Variants in TNFSF4 observed in about 807,000 individuals in gnomAD.
TNFSF4 encodes TNF superfamily member 4.
In TNFSF4, 4 loss-of-function variants were observed where a neutral mutation model predicts 7.3. That is an observed-to-expected ratio of 0.55 (90% CI 0.27 to 1.25). The LOEUF (loss-of-function observed/expected upper bound fraction) is 1.25, where lower values mean the gene tolerates loss of function less well. Among genes scored for constraint, TNFSF4 ranks in the 50% most tolerant of loss-of-function variants. The pLI is 0.12. For missense variants in TNFSF4, 181 were observed against 208.8 expected (o/e 0.87, Z 0.82); for synonymous variants, 76 against 83.7 (o/e 0.91, Z 0.50).
chr1:173,249,289 G>A, the TNFSF4 span, among the ~76,000 whole-genome samples: 1 of 152,190 alleles, frequency 6.6e-6, no homozygotes, highest in Non-Finnish European at 1.5e-5. Context: ...AAAGCAACAA[G>A]AGGACTTGTG....
At chr1:173,299,509 CCACGGGAAA>C in the TNFSF4 span, among the ~76,000 whole-genome samples, 3 of 151,802 alleles carry the variant, frequency 2.0e-5, no homozygotes, top group African/African-American at 7.3e-5. Context: ...TTTCCTTCTC[CCACGGGAAA>C]TATTCAAACA....
At chr1:173,268,983 G>A in the TNFSF4 span, among the ~76,000 whole-genome samples, 5 of 152,126 alleles carry the variant, frequency 3.3e-5, no homozygotes, top group Admixed American at 2.0e-4. Context: ...AAAATGTGAC[G>A]AAGTCATTTT....
chr1:173,390,505 T>G, the TNFSF4 span, among the ~76,000 whole-genome samples: 2 of 152,202 alleles, frequency 1.3e-5, no homozygotes, highest in Non-Finnish European at 2.9e-5. Context: ...CTGGGTGTTT[T>G]GCACTGGAAG....
At chr1:173,317,779 T>G in the TNFSF4 span, among the ~76,000 whole-genome samples, 12 of 152,286 alleles carry the variant, frequency 7.9e-5, no homozygotes, top group African/African-American at 2.9e-4. Context: ...AATTAAAGTA[T>G]CAATAGGATT....
the TNFSF4 span, chr1:173,362,738 C>A: frequency 2.5e-6 from 1 of 395,494 alleles, no homozygotes. Flanking sequence ...ACTTTCAACA[C>A]ATCTTGAAGA....
the TNFSF4 span, among the ~76,000 whole-genome samples, chr1:173,340,016 T>A: frequency 6.6e-6 from 1 of 152,104 alleles, no homozygotes; most frequent in Non-Finnish European, 1.5e-5. Context: ...AAGGTTGCCC[T>A]CCCTTTACTA....
chr1:173,364,248 G>A, the TNFSF4 span, among the ~76,000 whole-genome samples: 1 of 96,076 alleles, frequency 1.0e-5, no homozygotes, highest in African/African-American at 3.8e-5. Context: ...TATATGTACT[G>A]ATGTGGAATG....
At chr1:173,415,854 T>C in the TNFSF4 span, among the ~76,000 whole-genome samples, 217 of 152,324 alleles carry the variant, frequency 1.4e-3, no homozygotes, top group African/African-American at 4.9e-3. Flanking sequence ...TGTTTGTCTG[T>C]TTTGTTCATA....
At chr1:173,414,079 C>G in the TNFSF4 span, among the ~76,000 whole-genome samples, 1 of 152,144 alleles carries the variant, frequency 6.6e-6, no homozygotes, top group Non-Finnish European at 1.5e-5. Flanking sequence ...CAGTTCTCAT[C>G]GTAAACCCAC....
the TNFSF4 span, among the ~76,000 whole-genome samples, chr1:173,265,131 G>T: frequency 6.6e-6 from 1 of 152,184 alleles, no homozygotes; most frequent in African/African-American, 2.4e-5. Context: ...CCCCGCAGAA[G>T]TTTTTACTCC....
At chr1:173,408,996 T>C in the TNFSF4 span, among the ~76,000 whole-genome samples, 4 of 152,266 alleles carry the variant, frequency 2.6e-5, no homozygotes, top group East Asian at 7.7e-4. Context: ...CACCTCTTAA[T>C]TAAGTGATCA....
the TNFSF4 span, among the ~76,000 whole-genome samples, chr1:173,279,340 TAA>T: frequency 1.3e-5 from 2 of 152,158 alleles, no homozygotes; most frequent in South Asian, 4.1e-4. Context: ...TTGAACATTC[TAA>T]GTTTCCTTTA....
the TNFSF4 span, among the ~76,000 whole-genome samples, chr1:173,346,141 A>G: frequency 6.6e-6 from 1 of 152,172 alleles, no homozygotes; most frequent in African/African-American, 2.4e-5. Context: ...GCTCAAAGTC[A>G]CCACTGATGA....
At chr1:173,404,311 G>A in the TNFSF4 span, among the ~76,000 whole-genome samples, 7 of 152,144 alleles carry the variant, frequency 4.6e-5, no homozygotes, top group African/African-American at 1.4e-4. Flanking sequence ...CTAATCCTGG[G>A]ACACATAAAA....
chr1:173,241,653 T>A, the TNFSF4 span, among the ~76,000 whole-genome samples: 1 of 152,194 alleles, frequency 6.6e-6, no homozygotes, highest in African/African-American at 2.4e-5. Flanking sequence ...TAGTCACATA[T>A]ACTTACAGGC....
At chr1:173,260,156 TACA>T in the TNFSF4 span, among the ~76,000 whole-genome samples, 1 of 152,168 alleles carries the variant, frequency 6.6e-6, no homozygotes, top group Non-Finnish European at 1.5e-5. Context: ...GTGGAAACTC[TACA>T]AGCCAGAAGT....
the TNFSF4 span, among the ~76,000 whole-genome samples, chr1:173,237,655 C>T: frequency 6.6e-6 from 1 of 152,150 alleles, no homozygotes; most frequent in Non-Finnish European, 1.5e-5. Flanking sequence ...ATCCCATTCA[C>T]AATTGCCACA....
chr1:173,315,265 G>T, the TNFSF4 span, among the ~76,000 whole-genome samples: 5 of 152,062 alleles, frequency 3.3e-5, no homozygotes, highest in Non-Finnish European at 4.4e-5. Flanking sequence ...TGCATAGAAT[G>T]GATGGTAAGA....
intron 1 of TNFSF4, among the ~76,000 whole-genome samples, chr1:173,198,162 T>A (rs756548942): frequency 2.6e-5 from 4 of 152,190 alleles, no homozygotes; most frequent in Non-Finnish European, 5.9e-5. Flanking sequence ...GAATATAGTC[T>A]TGAGAAGGCA....
Sources: allele counts gnomAD v4.1 joint callset (sites outside exome capture counted in the v4.1 genomes callset), GRCh38; gene constraint gnomAD v4.1.1; transcripts MANE v1.5; gene names NCBI Gene and HGNC (gene_info 2026-07-23, HGNC 2026-07-21).